WDR70: variants seen among roughly 807,000 people sequenced by gnomAD.
WDR70 encodes the protein WD repeat-containing protein 70.
Under a neutral mutation model 88.6 loss-of-function variants are expected in WDR70, and 53 were observed. The observed-to-expected ratio is 0.60, with a 90% confidence interval of 0.48 to 0.75. WDR70 has a LOEUF of 0.75. Among genes scored for constraint, WDR70 ranks in the 30% least tolerant of loss-of-function variants. The pLI, the probability that WDR70 is intolerant of heterozygous loss-of-function variation, is 0.00. For missense variants in WDR70, 610 were observed against 823.2 expected, an observed-to-expected ratio of 0.74 and a Z score of 3.17; for synonymous variants, 280 against 270.0, an observed-to-expected ratio of 1.04 and a Z score of -0.36.
intron 2 of WDR70, 139 bp downstream of exon 2, chr5:37,379,693 C>T (rs1452961395): frequency 1.1e-6 from 1 of 922,000 alleles, no homozygotes; most frequent in Admixed American, 2.1e-5. Flanking sequence ...ATATTCTTCT[C>T]CCATTTGTCT....
chr5:37,596,363 A>T (rs1011670927), intron 9 of WDR70, among the ~76,000 whole-genome samples: 3 of 152,146 alleles, frequency 2.0e-5, no homozygotes, highest in African/African-American at 7.2e-5. Flanking sequence ...GCATACTCCA[A>T]TATACATTTC....
Position 37,379,460 on chromosome 5 carries a change from A to C in WDR70, c.26-29A>C. 11 of 1,613,878 alleles carry C rather than the reference A, an allele frequency of 6.8e-6. 1 individual carries two copies. The South Asian group carries it at 1.2e-4, about 18-fold the overall frequency. On this transcript the variant is annotated intron_variant, in intron 1 of 17. Coordinates refer to ENST00000265107, the MANE Select transcript of WDR70 (RefSeq NM_018034.4). ...GGGGAGCTGGGGCGCCGCACTAACT[A>C]GGCCGCCTCTCTTTTCCTCTTGCTC...
At chr5:37,441,315 A>G (rs1322447741) in intron 6 of WDR70, among the ~76,000 whole-genome samples, 13 of 152,034 alleles carry the variant, frequency 8.6e-5, no homozygotes, top group Admixed American at 7.9e-4. Context: ...TCACTTGTAT[A>G]TTTTCCTTGA....
intron 10 of WDR70, 71 bp from the exon 11 acceptor site, chr5:37,697,584 G>A (rs1304812697): frequency 2.4e-6 from 3 of 1,226,142 alleles, no homozygotes; most frequent in African/African-American, 3.0e-5. Context: ...AAAGTGAAAT[G>A]TTCTTGCCAC....
At chr5:37,514,339 C>CATATATATATATAT (rs70978826) in intron 8 of WDR70, among the ~76,000 whole-genome samples, 914 of 28,686 alleles carry the variant, frequency 0.032, 157 homozygotes, top group South Asian at 0.057. Flanking sequence ...TTTAGAACTA[C>CATATATATATATAT]ATATATATAT....
At chr5:37,566,702 G>T (rs1742751492) in intron 9 of WDR70, among the ~76,000 whole-genome samples, 1 of 152,144 alleles carries the variant, frequency 6.6e-6, no homozygotes, top group Non-Finnish European at 1.5e-5. Flanking sequence ...TTGATTGTTT[G>T]AATGACTAGT....
intron 7 of WDR70, among the ~76,000 whole-genome samples, chr5:37,446,193 C>T (rs1199604019): frequency 1.3e-5 from 2 of 152,146 alleles, no homozygotes; most frequent in East Asian, 3.9e-4. Flanking sequence ...TTCACAATTG[C>T]TTCAAAGAGA....
At chr5:37,666,105 G>T (rs535688130) in intron 10 of WDR70, among the ~76,000 whole-genome samples, 3 of 152,186 alleles carry the variant, frequency 2.0e-5, no homozygotes, top group Non-Finnish European at 4.4e-5. Flanking sequence ...GACTTCAAAG[G>T]GGGGCACCGC....
intron 9 of WDR70, among the ~76,000 whole-genome samples, chr5:37,538,941 G>C (rs1390423563): frequency 6.6e-6 from 1 of 152,184 alleles, no homozygotes. Flanking sequence ...AGTGTACCAA[G>C]TGAGAACATA....
At chr5:37,521,901 G>A (rs1741104973) in intron 9 of WDR70, among the ~76,000 whole-genome samples, 1 of 152,156 alleles carries the variant, frequency 6.6e-6, no homozygotes, top group African/African-American at 2.4e-5. Flanking sequence ...CAGTGGGATT[G>A]CTGGATCAAA....
chr5:37,561,762 T>G (rs1374540381), intron 9 of WDR70, among the ~76,000 whole-genome samples: 1 of 152,274 alleles, frequency 6.6e-6, no homozygotes, highest in African/African-American at 2.4e-5. Context: ...TATTGTGACT[T>G]ACTGCTTTTT....
At chr5:37,505,751 G>A (rs1024804213) in intron 8 of WDR70, 17 of 1,355,160 alleles carry the variant, frequency 1.3e-5, no homozygotes, top group South Asian at 2.3e-5. Flanking sequence ...CTCCCTACAC[G>A]TTGGACCCTC....
At chr5:37,663,801 C>G (rs908379776) in intron 10 of WDR70, among the ~76,000 whole-genome samples, 1 of 152,170 alleles carries the variant, frequency 6.6e-6, no homozygotes, top group African/African-American at 2.4e-5. Flanking sequence ...CCCACTAATC[C>G]TTCCACCTGC....
rs544710092 is a variant in WDR70 at position 37,575,832 on chromosome 5, G to A, written c.918-29232G>A. On this transcript the variant is annotated intron_variant, in intron 9 of 17. Coordinates refer to ENST00000265107, the MANE Select transcript of WDR70 (RefSeq NM_018034.4). ...TTAGAAATACCAGCAAACCAAACTT[G>A]CGATTGGCATCTGAAATGGGGGCTG... 3.1e-3 allele frequency among the ~76,000 whole-genome samples: 473 copies of A among 152,304 alleles called. 1 individual carries two copies. Among genetic ancestry groups the A allele is most frequent in the African/African-American group, 0.011 (445 of 41,562 alleles).
chr5:37,545,545 T>G (rs1741961548), intron 9 of WDR70, among the ~76,000 whole-genome samples: 1 of 151,954 alleles, frequency 6.6e-6, no homozygotes. Context: ...GTTTTTGTTT[T>G]TTTTTTGAGA....
chr5:37,488,545 T>A (rs1312707208), intron 8 of WDR70, among the ~76,000 whole-genome samples: 1 of 147,112 alleles, frequency 6.8e-6, no homozygotes, highest in East Asian at 2.0e-4. Flanking sequence ...GAAAGACCTG[T>A]CTTCAAGTTC....
Position 37,706,716 on chromosome 5 carries a change from T to TACACACACAC in WDR70, c.1416+3642_1416+3651dup, listed in dbSNP as rs58482881. On this transcript the variant is annotated intron_variant, in intron 13 of 17. Coordinates refer to ENST00000265107, the MANE Select transcript of WDR70 (RefSeq NM_018034.4). ...TATTAGCAGTGTGAGAACAGAGTAA[T>TACACACACAC]ACACACACACACACACACACACGCA... Among the ~76,000 whole-genome samples the TACACACACAC allele has an allele frequency of 3.2e-3, 481 of 149,892 alleles. 3 individuals are homozygous for TACACACACAC. Among genetic ancestry groups the TACACACACAC allele is most frequent in the African/African-American group, 0.011 (428 of 40,726 alleles).
intron 17 of WDR70, among the ~76,000 whole-genome samples, chr5:37,732,119 T>C (rs1459321946): frequency 2.6e-5 from 4 of 152,118 alleles, no homozygotes; most frequent in Non-Finnish European, 5.9e-5. Flanking sequence ...ACAATGGAGA[T>C]TTGAAAGCCT....
At chr5:37,454,686 T>C (rs1308487290) in intron 7 of WDR70, among the ~76,000 whole-genome samples, 6 of 152,214 alleles carry the variant, frequency 3.9e-5, no homozygotes, top group African/African-American at 1.4e-4. Flanking sequence ...TCAGTTTTAG[T>C]GGGATGATGG....
Sources: allele counts gnomAD v4.1 joint callset (sites outside exome capture counted in the v4.1 genomes callset), GRCh38; gene constraint gnomAD v4.1.1; transcripts MANE v1.5; gene names NCBI Gene and HGNC (gene_info 2026-07-23, HGNC 2026-07-21).